Variants in SUPV3L1 observed in about 807,000 individuals in gnomAD.
SUPV3L1 encodes the protein Suv3 like RNA helicase.
SUPV3L1 carries 35 observed loss-of-function variants against 70.0 expected under a neutral mutation model. That is an observed-to-expected ratio of 0.50 (90% CI 0.38 to 0.66). The LOEUF is 0.66. Ranked by LOEUF, SUPV3L1 falls within the 30% of genes least tolerant of loss-of-function variation. SUPV3L1 has a pLI of 0.00. For missense variants in SUPV3L1, 777 were observed against 961.5 expected (o/e 0.81, Z 2.54); for synonymous variants, 364 against 341.9 (o/e 1.06, Z -0.71).
intron 13 of SUPV3L1, among the ~76,000 whole-genome samples, chr10:69,204,777 CT>C (rs71035076): frequency 1.4e-3 from 204 of 144,682 alleles, no homozygotes; most frequent in African/African-American, 2.7e-3. Context: ...AAAAAATTAT[CT>C]TTTTTTTTTT....
At chr10:69,198,033 T>C (rs1842587357) in intron 8 of SUPV3L1, among the ~76,000 whole-genome samples, 1 of 152,184 alleles carries the variant, frequency 6.6e-6, no homozygotes, top group African/African-American at 2.4e-5. Context: ...CAGACATTAA[T>C]TTTTTATTGG....
intron 2 of SUPV3L1, 109 bp from the exon 3 acceptor site, chr10:69,186,325 CAAAAAAAAA>C (rs34197871): frequency 2.5e-5 from 10 of 400,350 alleles, no homozygotes; most frequent in East Asian, 5.4e-5. Flanking sequence ...GCTGTACTGC[CAAAAAAAAA>C]AAAAAAAAAA....
intron 11 of SUPV3L1, among the ~76,000 whole-genome samples, chr10:69,201,986 A>G (rs911454755): frequency 1.3e-5 from 2 of 151,738 alleles, no homozygotes; most frequent in East Asian, 1.9e-4. Flanking sequence ...GATTACAGGC[A>G]CGCAGCACCA....
In SUPV3L1 at chr10:69,188,539, C is replaced by G. The variant is rs540322170; in HGVS notation, c.573-728C>G. 2.0e-5 allele frequency among the ~76,000 whole-genome samples: 3 copies of G among 152,262 alleles called. No homozygotes were observed. In the South Asian group the frequency reaches 6.2e-4, roughly 32 times the overall value. On this transcript the variant is annotated intron_variant, in intron 4 of 14. Coordinates refer to ENST00000359655, the MANE Select transcript of SUPV3L1 (RefSeq NM_003171.5). ...TTTGAGAGAGAGTCTCACTCTGTCA[C>G]CCAGGCTGGAGTGCAGTGGTGCGTT...
Position 69,199,184 on chromosome 10 carries a change from A to G in SUPV3L1, c.1285A>G (p.Met429Val). The change falls in exon 10 of 15, where the codon ATG becomes GTG. Residue 429 changes from methionine (M) to valine (V), a missense_variant. Met to Val is a conservative substitution (Grantham distance 21). This residue lies in a region of SUPV3L1 where 619 missense variants were observed against 823.3 expected (regional missense o/e 0.75). Coordinates refer to ENST00000359655, the MANE Select transcript of SUPV3L1 (RefSeq NM_003171.5). ...CTTGGTTGCTACAGATGCAATTGGC[A>G]TGGGACTTAATTTGTAAGTAATTTG... ...KILVATDAIG[M>V]GLNLSIRRII... is the part of the protein sequence containing the mutation. 1 of 1,609,148 alleles carries G rather than the reference A, an allele frequency of 6.2e-7. No homozygotes were observed. Among genetic ancestry groups the G allele is most frequent in the Non-Finnish European group, 8.5e-7 (1 of 1,178,366 alleles).
chr10:69,184,396 A>G (rs1400586917), intron 1 of SUPV3L1, among the ~76,000 whole-genome samples: 1 of 151,942 alleles, frequency 6.6e-6, no homozygotes, highest in African/African-American at 2.4e-5. Flanking sequence ...GGCATGGTGC[A>G]TGGTGATGCA....
In SUPV3L1 at chr10:69,207,819, G is replaced by GC. The variant is rs1842871397; in HGVS notation, c.1807dup (p.Leu603ProfsTer18). 3 of 1,613,856 alleles carry GC rather than the reference G, an allele frequency of 1.9e-6. No individual in the cohort carries two copies. The highest frequency in any genetic ancestry group is 2.5e-6 in the Non-Finnish European group (3 of 1,179,992). Reference sequence around the variant, plus strand: ...TTGCCAGGCAGTATAGCAGGAATGAGCCCCTGACCTTTGCATGGTTACGCC... The same window carrying GC: ...TTGCCAGGCAGTATAGCAGGAATGAGCCCCCTGACCTTTGCATGGTTACGCC... On this transcript the variant is annotated frameshift_variant, in exon 14 of 15. Transcript: ENST00000359655. LOFTEE classifies it high-confidence loss of function.
intron 1 of SUPV3L1, among the ~76,000 whole-genome samples, chr10:69,184,303 C>T (rs989064091): frequency 1.5e-4 from 23 of 151,996 alleles, no homozygotes; most frequent in African/African-American, 5.5e-4. Flanking sequence ...CTGAGGCTGG[C>T]AGATCACCTG....
chr10:69,191,267 T>C (rs1842389142), intron 5 of SUPV3L1, among the ~76,000 whole-genome samples: 1 of 148,068 alleles, frequency 6.8e-6, no homozygotes, highest in African/African-American at 2.5e-5. Flanking sequence ...AGTCTTGCTC[T>C]GTCTCCAGGC....
intron 11 of SUPV3L1, among the ~76,000 whole-genome samples, chr10:69,201,514 C>A (rs1428775861): frequency 6.7e-6 from 1 of 149,452 alleles, no homozygotes; most frequent in East Asian, 1.9e-4. Flanking sequence ...ATGGTTTTAC[C>A]CTGGAAAACA....
intron 8 of SUPV3L1, 53 bp downstream of exon 8, chr10:69,197,136 A>G: frequency 3.3e-6 from 5 of 1,512,054 alleles, no homozygotes; most frequent in Non-Finnish European, 4.6e-6. Flanking sequence ...AGTCCAGAGT[A>G]CCTAGGCAGT....
At chr10:69,194,565 T>A (rs2132286382) in intron 6 of SUPV3L1, among the ~76,000 whole-genome samples, 1 of 152,046 alleles carries the variant, frequency 6.6e-6, no homozygotes, top group East Asian at 1.9e-4. Context: ...TTGGCCAGGA[T>A]GGTCTCGATC....
intron 13 of SUPV3L1, 58 bp downstream of exon 13, chr10:69,203,101 A>C: frequency 6.6e-7 from 1 of 1,512,208 alleles, no homozygotes. Flanking sequence ...GGTTCCCCAA[A>C]CAGTACTTTG....
In SUPV3L1 at chr10:69,180,368, C is replaced by T. The variant is rs1444029500; in HGVS notation, c.77C>T (p.Ser26Phe). The T allele has an allele frequency of 1.9e-6, 3 of 1,614,128 alleles. No individual in the cohort carries two copies. Among genetic ancestry groups the T allele is most frequent in the Non-Finnish European group, 2.5e-6 (3 of 1,180,046 alleles). Reference protein sequence around the residue: ...RQAGHRAAICSALRPHFGPFP... With the variant: ...RQAGHRAAICFALRPHFGPFP... ...GCTGGCCACCGGGCAGCCATCTGCT[C>T]TGCCCTTCGTCCCCACTTTGGGCCC... Residue 26 changes from serine (S) to phenylalanine (F), a missense_variant, in exon 1 of 15, where the codon TCT becomes TTT. Physicochemically the swap from Ser to Phe is radical, Grantham distance 155 (BLOSUM62 -2). Transcript: ENST00000359655.
At chr10:69,182,421 A>AAAAAAG in intron 1 of SUPV3L1, 2 of 721,058 alleles carry the variant, frequency 2.8e-6, no homozygotes, top group Non-Finnish European at 1.7e-6. Flanking sequence ...TTAAAGAACA[A>AAAAAAG]TTTTCCATTA....
chr10:69,198,351 C>A, intron 8 of SUPV3L1, 21 bp from the exon 9 acceptor site: 1 of 1,561,940 alleles, frequency 6.4e-7, no homozygotes, highest in South Asian at 1.2e-5. Context: ...GTCATTTTGC[C>A]ATTTCATGTC....
At chr10:69,206,063 C>G (rs763239983) in intron 13 of SUPV3L1, among the ~76,000 whole-genome samples, 1 of 152,044 alleles carries the variant, frequency 6.6e-6, no homozygotes, top group Non-Finnish European at 1.5e-5. Flanking sequence ...TCCCTGCTCT[C>G]TCTGCATAGC....
intron 6 of SUPV3L1, chr10:69,193,066 T>A (rs1842438533): frequency 6.6e-6 from 1 of 152,156 alleles, no homozygotes; most frequent in Non-Finnish European, 1.5e-5. Context: ...AATCATATCT[T>A]CATTATTGAA....
intron 13 of SUPV3L1, among the ~76,000 whole-genome samples, chr10:69,205,823 C>T (rs1842812000): frequency 6.6e-6 from 1 of 152,238 alleles, no homozygotes; most frequent in Non-Finnish European, 1.5e-5. Flanking sequence ...GCATGAGCCA[C>T]CACACCCGGC....
Sources: gnomAD v4.1 joint callset for allele counts (sites outside exome capture counted in the v4.1 genomes callset) on GRCh38, gnomAD v4.1.1 for gene constraint, gnomAD v4.1.1 regional missense constraint, MANE v1.5 for transcripts, NCBI Gene and HGNC (gene_info 2026-07-23, HGNC 2026-07-21) for gene names.